RBFOX1: variants seen among roughly 807,000 people sequenced by gnomAD.
RBFOX1 encodes RNA binding protein fox-1 homolog 1.
In RBFOX1, 8 loss-of-function variants were observed where a neutral mutation model predicts 57.7. That is an observed-to-expected ratio of 0.14 (90% confidence interval 0.08 to 0.25). The LOEUF (loss-of-function observed/expected upper bound fraction) is 0.25. Among genes scored for constraint, RBFOX1 ranks in the 10% least tolerant of loss-of-function variants. RBFOX1 has a pLI of 1.00. For synonymous variants in RBFOX1, 326 were observed against 222.4 expected (o/e 1.47, Z -4.15); for missense variants, 611 against 548.5 (o/e 1.11, Z -1.14).
intron 4 of RBFOX1, among the ~76,000 whole-genome samples, chr16:7,337,698 G>C (rs1373241602): frequency 6.6e-6 from 1 of 152,084 alleles, no homozygotes; most frequent in Non-Finnish European, 1.5e-5. Flanking sequence ...TTGTTTGCTT[G>C]TTTTGAGATG....
intron 3 of RBFOX1, among the ~76,000 whole-genome samples, chr16:5,831,347 C>T (rs12444794): frequency 0.14 from 21,634 of 152,038 alleles, 1,680 homozygotes; most frequent in Non-Finnish European, 0.16. Context: ...CCTGCTCTGG[C>T]CATGGGACCT....
chr16:7,701,256 C>T (rs559018091), intron 14 of RBFOX1, among the ~76,000 whole-genome samples: 1 of 146,302 alleles, frequency 6.8e-6, no homozygotes, highest in South Asian at 2.1e-4. Context: ...CATTTTTAGT[C>T]ATTTTGTAGG....
chr16:7,428,204 C>T (rs2098641090), intron 4 of RBFOX1, among the ~76,000 whole-genome samples: 1 of 152,044 alleles, frequency 6.6e-6, no homozygotes, highest in Admixed American at 6.6e-5. Context: ...TCAGGAATCC[C>T]TTTTATTCAT....
In RBFOX1 at chr16:7,504,775, A is replaced by ATATATT. The variant is rs1567555028; in HGVS notation, c.28-13367_28-13366insTTATAT. Among the ~76,000 whole-genome samples the ATATATT allele has an allele frequency of 9.8e-3, 140 of 14,222 alleles. 8 individuals carry two copies. Among genetic ancestry groups the ATATATT allele is most frequent in the Middle Eastern group, 0.042 (1 of 24 alleles). The allele number at this position is 14,222 out of a possible 152,430, so 9.3% of individuals were successfully genotyped here. A position where few individuals can be genotyped will look rare whatever the true frequency, so the allele number is the denominator to read the frequency against. ...TATATTTATATATATATATATTTAT[A>ATATATT]TATATATATATTTATATATATATAT... On this transcript the variant is annotated intron_variant, in intron 4 of 15. Transcript: ENST00000550418.
At chr16:5,470,824 A>AT (rs1454324095) in intron 2 of RBFOX1, among the ~76,000 whole-genome samples, 1 of 151,968 alleles carries the variant, frequency 6.6e-6, no homozygotes, top group African/African-American at 2.4e-5. Context: ...AAGCATCAGC[A>AT]TTTTTCATAC....
chr16:7,396,230 C>T (rs1378841387), intron 4 of RBFOX1, among the ~76,000 whole-genome samples: 1 of 152,130 alleles, frequency 6.6e-6, no homozygotes, highest in African/African-American at 2.4e-5. Flanking sequence ...AAGGCTGTGG[C>T]AGTACAACTG....
At chr16:5,920,083 G>A (rs1193274813) in intron 4 of RBFOX1, among the ~76,000 whole-genome samples, 4 of 152,052 alleles carry the variant, frequency 2.6e-5, no homozygotes, top group African/African-American at 7.2e-5. Context: ...ACAGGCGCCC[G>A]CCACCACACC....
At chr16:5,678,466 G>C (rs2050231633) in intron 3 of RBFOX1, among the ~76,000 whole-genome samples, 2 of 152,134 alleles carry the variant, frequency 1.3e-5, no homozygotes, top group African/African-American at 4.8e-5. Flanking sequence ...AATAGATTTA[G>C]GGCATATGTG....
chr16:6,713,659 C>T (rs1049025608), intron 3 of RBFOX1, among the ~76,000 whole-genome samples: 1 of 152,188 alleles, frequency 6.6e-6, no homozygotes, highest in Non-Finnish European at 1.5e-5. Flanking sequence ...ATTGAAGTTA[C>T]AGTTGCCCAA....
At chr16:7,264,311 A>C (rs2095045713) in intron 4 of RBFOX1, among the ~76,000 whole-genome samples, 1 of 152,238 alleles carries the variant, frequency 6.6e-6, no homozygotes, top group South Asian at 2.1e-4. Flanking sequence ...CTAAAGCAAA[A>C]ACAAATGAGC....
At chr16:6,583,397 C>T (rs911968674) in intron 2 of RBFOX1, among the ~76,000 whole-genome samples, 2 of 152,202 alleles carry the variant, frequency 1.3e-5, no homozygotes, top group Admixed American at 1.3e-4. Context: ...ACCAGCCAAT[C>T]AACAAATGTC....
At chr16:6,035,518 T>C (rs17139204) in intron 1 of RBFOX1, among the ~76,000 whole-genome samples, 1 of 126,008 alleles carries the variant, frequency 7.9e-6, no homozygotes, top group Non-Finnish European at 1.9e-5. Flanking sequence ...AGTAGACTTA[T>C]AAAAAATTAT....
intron 3 of RBFOX1, among the ~76,000 whole-genome samples, chr16:5,750,981 C>T (rs2053177860): frequency 6.6e-6 from 1 of 152,166 alleles, no homozygotes; most frequent in African/African-American, 2.4e-5. Flanking sequence ...TGGAGCTGTT[C>T]CTATTCGGCA....
intron 4 of RBFOX1, among the ~76,000 whole-genome samples, chr16:7,299,411 CACTG>C (rs1441582663): frequency 6.6e-6 from 1 of 152,168 alleles, no homozygotes; most frequent in Non-Finnish European, 1.5e-5. Flanking sequence ...GTCCTGGACT[CACTG>C]ACAACCCACA....
At chr16:6,880,190 C>T (rs935328939) in intron 3 of RBFOX1, among the ~76,000 whole-genome samples, 5 of 146,736 alleles carry the variant, frequency 3.4e-5, no homozygotes, top group Non-Finnish European at 6.0e-5. Context: ...CTGTGTACTC[C>T]TTTAAGGTAT....
intron 3 of RBFOX1, among the ~76,000 whole-genome samples, chr16:6,993,939 AT>A (rs1463780054): frequency 1.3e-5 from 2 of 152,192 alleles, no homozygotes; most frequent in Non-Finnish European, 2.9e-5. Context: ...TGCCTAAATG[AT>A]TTGGTGCAAG....
intron 4 of RBFOX1, among the ~76,000 whole-genome samples, chr16:7,431,606 A>T (rs940918938): frequency 2.0e-5 from 3 of 152,222 alleles, no homozygotes; most frequent in Non-Finnish European, 2.9e-5. Flanking sequence ...AAAATGTGTC[A>T]TCGGTGATAT....
At chr16:6,383,244 A>G (rs1160848670) in intron 2 of RBFOX1, among the ~76,000 whole-genome samples, 1 of 152,246 alleles carries the variant, frequency 6.6e-6, no homozygotes, top group African/African-American at 2.4e-5. Context: ...ATCAAATCTG[A>G]GTGACATTAT....
chr16:7,379,548 A>G (rs998642327), intron 4 of RBFOX1, among the ~76,000 whole-genome samples: 18 of 152,254 alleles, frequency 1.2e-4, no homozygotes, highest in African/African-American at 4.3e-4. Context: ...TCTGCTGTCC[A>G]GAAATGCATA....
Sources: gnomAD v4.1 joint callset for allele counts (sites outside exome capture counted in the v4.1 genomes callset) on GRCh38, gnomAD v4.1.1 for gene constraint, MANE v1.5 for transcripts, NCBI Gene and HGNC (gene_info 2026-07-23, HGNC 2026-07-21) for gene names.